The following OR14A2 variants were observed in gnomAD, a reference collection of about 807,000 sequenced individuals.
OR14A2 encodes the protein olfactory receptor 14A2.
For missense variants in OR14A2, 237 were observed against 152.9 expected, an observed-to-expected ratio of 1.55 and a Z score of -2.90; for synonymous variants, 114 against 58.6, an observed-to-expected ratio of 1.95 and a Z score of -4.32.
chr1:247,741,893 A>G, the OR14A2 span, among the ~76,000 whole-genome samples: 1 of 152,328 alleles, frequency 6.6e-6, no homozygotes, highest in South Asian at 2.1e-4. Context: ...GAGACATACC[A>G]CAATGATTGA....
At chr1:247,743,230 A>G in the OR14A2 span, among the ~76,000 whole-genome samples, 5 of 151,506 alleles carry the variant, frequency 3.3e-5, no homozygotes, top group Non-Finnish European at 7.4e-5. Context: ...AACTCCCCCT[A>G]CCAGAGCACC....
chr1:247,746,818 C>T, the OR14A2 span: 2 of 152,152 alleles, frequency 1.3e-5, no homozygotes, highest in African/African-American at 4.8e-5. Flanking sequence ...GACCATCCTG[C>T]CAAAATGCAT....
At chr1:247,743,889 C>A in the OR14A2 span, among the ~76,000 whole-genome samples, 1 of 151,982 alleles carries the variant, frequency 6.6e-6, no homozygotes, top group African/African-American at 2.4e-5. Context: ...TCTAACCTCA[C>A]GAGAAATATT....
At chr1:247,730,939 C>T in the OR14A2 span, among the ~76,000 whole-genome samples, 2 of 152,114 alleles carry the variant, frequency 1.3e-5, no homozygotes, top group Non-Finnish European at 1.5e-5. Context: ...CTTCTGGAAA[C>T]ACCTTGATAG....
the OR14A2 span, among the ~76,000 whole-genome samples, chr1:247,742,237 T>C: frequency 1.3e-5 from 2 of 152,214 alleles, no homozygotes; most frequent in Admixed American, 6.5e-5. Flanking sequence ...GGTTTTCTTA[T>C]ACCTCAATAT....
chr1:247,742,282 A>G, the OR14A2 span, among the ~76,000 whole-genome samples: 3 of 138,718 alleles, frequency 2.2e-5, no homozygotes, highest in South Asian at 2.2e-4. Flanking sequence ...ACACACACGC[A>G]CACACACACA....
the OR14A2 span, among the ~76,000 whole-genome samples, chr1:247,747,359 CTT>C: frequency 2.1e-4 from 29 of 136,346 alleles, no homozygotes; most frequent in South Asian, 7.1e-4. Flanking sequence ...AATGCGAAGA[CTT>C]TTTTTTTTTT....
At chr1:247,734,232 G>A in the OR14A2 span, among the ~76,000 whole-genome samples, 3 of 152,184 alleles carry the variant, frequency 2.0e-5, no homozygotes, top group East Asian at 3.9e-4. Flanking sequence ...GACCCTGGGG[G>A]CACGCATGCA....
At chr1:247,729,771 T>A in the OR14A2 span, among the ~76,000 whole-genome samples, 1 of 152,042 alleles carries the variant, frequency 6.6e-6, no homozygotes, top group Non-Finnish European at 1.5e-5. Flanking sequence ...GAAATGTCAC[T>A]CTCTATCCTT....
chr1:247,735,691 A>G, the OR14A2 span, among the ~76,000 whole-genome samples: 1 of 152,230 alleles, frequency 6.6e-6, no homozygotes, highest in Admixed American at 6.5e-5. Context: ...TACAGAGGAC[A>G]TCAAGCAGAG....
At chr1:247,725,682 T>G (rs1199128853), upstream of OR14A2, among the ~76,000 whole-genome samples, 7 of 86,814 alleles carry the variant, frequency 8.1e-5, no homozygotes, top group Non-Finnish European at 1.5e-4. Context: ...CCCTCCCCCC[T>G]CCCCCCACCC....
the OR14A2 span, among the ~76,000 whole-genome samples, chr1:247,732,963 T>G: frequency 6.6e-6 from 1 of 152,154 alleles, no homozygotes; most frequent in Non-Finnish European, 1.5e-5. Context: ...TGGTTACTTT[T>G]CCACCCTTTT....
chr1:247,728,225 A>C (rs1660430203), upstream of OR14A2, among the ~76,000 whole-genome samples: 1 of 152,224 alleles, frequency 6.6e-6, no homozygotes, highest in African/African-American at 2.4e-5. Flanking sequence ...CTTATCCACT[A>C]TGATCAAGTG....
chr1:247,738,574 T>G, the OR14A2 span: 7 of 720,762 alleles, frequency 9.7e-6, no homozygotes, highest in Middle Eastern at 2.4e-4. Context: ...AGTATGACAC[T>G]TATTTTCCTT....
At chr1:247,742,877 C>A in the OR14A2 span, among the ~76,000 whole-genome samples, 4 of 152,108 alleles carry the variant, frequency 2.6e-5, no homozygotes, top group African/African-American at 9.7e-5. Flanking sequence ...AGGAATTCTA[C>A]AATTAAAAGT....
At chr1:247,744,193 C>A in the OR14A2 span, among the ~76,000 whole-genome samples, 1 of 152,088 alleles carries the variant, frequency 6.6e-6, no homozygotes, top group South Asian at 2.1e-4. The surrounding 1 kb of genome is among the most constrained non-coding windows in gnomAD (Gnocchi z 4.3). Flanking sequence ...ATCCACAGAG[C>A]AAATTATTTT....
the OR14A2 span, among the ~76,000 whole-genome samples, chr1:247,745,258 G>A: frequency 1.8e-4 from 28 of 151,822 alleles, no homozygotes; most frequent in Admixed American, 1.2e-3. Context: ...ATATCCAAAC[G>A]TGATTAATAA....
chr1:247,724,318 A>T (rs979010517), upstream of OR14A2, among the ~76,000 whole-genome samples: 2 of 152,106 alleles, frequency 1.3e-5, no homozygotes, highest in African/African-American at 2.4e-5. Flanking sequence ...TTAATTTGTT[A>T]CAAGACACAT....
At chr1:247,733,101 C>A in the OR14A2 span, among the ~76,000 whole-genome samples, 1 of 152,130 alleles carries the variant, frequency 6.6e-6, no homozygotes, top group Admixed American at 6.5e-5. Context: ...TACTCTTACA[C>A]CATCCTGAGA....
Sources: allele counts gnomAD v4.1 joint callset (sites outside exome capture counted in the v4.1 genomes callset), GRCh38; gene constraint gnomAD v4.1.1; non-coding constraint Gnocchi (gnomAD v3.1); transcripts MANE v1.5; gene names NCBI Gene and HGNC (gene_info 2026-07-23, HGNC 2026-07-21).